The following INPP4B variants were observed in gnomAD, a reference collection of about 807,000 sequenced individuals.
INPP4B encodes inositol polyphosphate-4-phosphatase type II B.
A neutral mutation model predicts 122.5 loss-of-function variants in INPP4B; 55 were observed. That is an observed-to-expected ratio of 0.45 (90% CI 0.36 to 0.56). INPP4B has a LOEUF of 0.56. INPP4B is among the 20% of genes least tolerant of loss of function. The pLI, the probability that INPP4B is intolerant of heterozygous loss-of-function variation, is 0.00. For missense variants in INPP4B, 1,000 were observed against 1,097.7 expected (o/e 0.91, Z 1.26); for synonymous variants, 403 against 388.7 (o/e 1.04, Z -0.43).
rs181722210 is a variant in INPP4B at position 142,569,171 on chromosome 4, T to G, written c.-190-106445A>C. Among the ~76,000 whole-genome samples the G allele has an allele frequency of 1.9e-3, 295 of 152,138 alleles. 1 individual carries two copies. Among genetic ancestry groups the G allele is most frequent in the African/African-American group, 6.8e-3 (284 of 41,504 alleles). ...CCTTACAAAAAAGTAGAAACAAAAG[T>G]TTTGGGGATAATATCAGCATCTAAG... On this transcript the variant is annotated intron_variant, in intron 2 of 25. Coordinates refer to ENST00000262992, the MANE Select transcript of INPP4B (RefSeq NM_001101669.3).
At chr4:142,120,892 A>G (rs189034159) in intron 21 of INPP4B, among the ~76,000 whole-genome samples, 17 of 152,122 alleles carry the variant, frequency 1.1e-4, no homozygotes, top group Admixed American at 9.8e-4. Flanking sequence ...TCCAGTTGTA[A>G]TATTCCTTTT....
intron 2 of INPP4B, among the ~76,000 whole-genome samples, chr4:142,684,794 A>G (rs975267366): frequency 1.7e-4 from 26 of 152,006 alleles, no homozygotes; most frequent in Non-Finnish European, 3.5e-4. Context: ...TCTTGGTCAC[A>G]TTATTCTTAT....
chr4:142,130,157 TCAC>T (rs1305699383), intron 18 of INPP4B, among the ~76,000 whole-genome samples: 1 of 152,082 alleles, frequency 6.6e-6, no homozygotes, highest in Non-Finnish European at 1.5e-5. Flanking sequence ...TTAAAGGAAG[TCAC>T]ATGTGGAAAG....
At chr4:142,751,854 CAA>C (rs1769771180) in intron 1 of INPP4B, among the ~76,000 whole-genome samples, 1 of 152,034 alleles carries the variant, frequency 6.6e-6, no homozygotes, top group Admixed American at 6.6e-5. Context: ...CAACCTCTTA[CAA>C]AACTGTCCCC....
At chr4:142,595,403 G>A (rs752345610) in intron 2 of INPP4B, among the ~76,000 whole-genome samples, 5 of 152,144 alleles carry the variant, frequency 3.3e-5, no homozygotes, top group Non-Finnish European at 5.9e-5. Flanking sequence ...TTTCCCCTCT[G>A]TGAATACACC....
chr4:142,277,793 T>A (rs1749312175), intron 9 of INPP4B, among the ~76,000 whole-genome samples: 1 of 151,616 alleles, frequency 6.6e-6, no homozygotes, highest in Non-Finnish European at 1.5e-5. Flanking sequence ...TTATTCTAAG[T>A]GAAGTAACTC....
intron 21 of INPP4B, among the ~76,000 whole-genome samples, chr4:142,116,470 T>C (rs12640533): frequency 0.13 from 19,109 of 152,030 alleles, 1,376 homozygotes; most frequent in East Asian, 0.24. Context: ...GTCTCTCAGA[T>C]CACAGTGCAA....
intron 7 of INPP4B, among the ~76,000 whole-genome samples, chr4:142,387,652 T>C (rs1408757872): frequency 6.6e-6 from 1 of 152,250 alleles, no homozygotes; most frequent in Non-Finnish European, 1.5e-5. Context: ...ACTTCTAGCC[T>C]CTCTCTGTGC....
In INPP4B at chr4:142,237,974, G is replaced by A; in HGVS notation, c.726C>T (p.Pro242=). The part of the protein sequence containing the change: ...KNPVCKLYRF[P]TSDNKWMRIR... ...TTCGCATCCACTTATTGTCAGATGTGGGAAATCTATATAATTTACATACTG... is the reference window on the plus strand; with the variant it reads ...TTCGCATCCACTTATTGTCAGATGTAGGAAATCTATATAATTTACATACTG... Residue 242 remains proline, a synonymous_variant, in exon 12 of 26, where the codon CCC becomes CCT. Coordinates refer to ENST00000262992, the MANE Select transcript of INPP4B (RefSeq NM_001101669.3). 6.4e-7 allele frequency: 1 copy of A among 1,561,274 alleles called. No individual in the cohort carries two copies. The highest frequency in any genetic ancestry group is 1.1e-5 in the South Asian group (1 of 87,236).
In INPP4B at chr4:142,284,162, G is replaced by A. The variant is rs71608476; in HGVS notation, c.504-13388C>T. On this transcript the variant is annotated intron_variant, in intron 9 of 25. Transcript: ENST00000262992. ...ATAGATTCAAAAGACAATCAGAGGA[G>A]GGAGGCAAAGTAGACATAGTTCTTA... Among the ~76,000 whole-genome samples the A allele has an allele frequency of 4.1e-3, 631 of 152,184 alleles. 2 individuals are homozygous for A. Among genetic ancestry groups the A allele is most frequent in the African/African-American group, 0.014 (585 of 41,544 alleles).
intron 7 of INPP4B, among the ~76,000 whole-genome samples, chr4:142,327,852 G>A (rs1378800449): frequency 6.6e-6 from 1 of 152,136 alleles, no homozygotes; most frequent in Non-Finnish European, 1.5e-5. Context: ...TTCTTCCCAG[G>A]TTATGTGGCT....
At chr4:142,163,946 G>C (rs1345227424) in intron 16 of INPP4B, among the ~76,000 whole-genome samples, 3 of 151,724 alleles carry the variant, frequency 2.0e-5, no homozygotes, top group African/African-American at 7.3e-5. Context: ...TAAGAGTAGG[G>C]CAAACAATTT....
In INPP4B at chr4:142,208,516, T is replaced by C; in HGVS notation, c.981A>G (p.Lys327=). The C allele has an allele frequency of 6.3e-7, 1 of 1,588,886 alleles. No homozygotes were observed. The highest frequency in any genetic ancestry group is 8.6e-7 in the Non-Finnish European group (1 of 1,164,688). The change falls in exon 14 of 26, where the codon AAA becomes AAG. Residue 327 remains lysine (K), a synonymous_variant. Transcript: ENST00000262992. ...TTTTCTCTCCTTTGCTGCTGCTTGA[T>C]TTGAAAGAGGACCCTGATGGAAACC... ...ELSKETGSSF[K]SSSSKGEKTL... is the part of the protein sequence containing the mutation.
intron 1 of INPP4B, among the ~76,000 whole-genome samples, chr4:142,831,582 G>A (rs1288512208): frequency 2.6e-5 from 4 of 152,142 alleles, no homozygotes; most frequent in African/African-American, 9.7e-5. Flanking sequence ...AAAGAACATG[G>A]TACCTACAGA....
At position 142,678,962 on chromosome 4, in the gene INPP4B, A is replaced by G. The variant is rs542622983; in HGVS notation, c.-191+46877T>C. ...ATTCCTTTCAGTAATAAGACTGGGG[A>G]AATTATTCTACTGTTCTAACCAAAA... On this transcript the variant is annotated intron_variant, in intron 2 of 25. Coordinates refer to ENST00000262992, the MANE Select transcript of INPP4B (RefSeq NM_001101669.3). Among the ~76,000 whole-genome samples, 39 of 151,864 alleles carry G rather than the reference A, an allele frequency of 2.6e-4. 1 individual carries two copies. The highest frequency in any genetic ancestry group is 5.0e-4 in the Non-Finnish European group (34 of 67,896).
chr4:142,188,516 A>ATAT lies in INPP4B; in HGVS notation c.1181+4570_1181+4571insATA, dbSNP rs1381172815. On this transcript the variant is annotated intron_variant, in intron 15 of 25. Coordinates refer to ENST00000262992, the MANE Select transcript of INPP4B (RefSeq NM_001101669.3). ...AAAAAAAAAAAAAAAAAAAAGAAAA[A>ATAT]AAATATATATAGCTTGACTTATGAG... 3.7e-3 allele frequency among the ~76,000 whole-genome samples: 434 copies of ATAT among 116,052 alleles called. 1 individual carries two copies. Among genetic ancestry groups the ATAT allele is most frequent in the South Asian group, 0.012 (41 of 3,324 alleles). 76.1% of individuals were successfully genotyped at this position (116,052 alleles called of 152,430 possible). A position where few individuals can be genotyped will look rare whatever the true frequency, so the allele number is the denominator to read the frequency against.
At chr4:142,141,538 T>C (rs545679855) in intron 18 of INPP4B, among the ~76,000 whole-genome samples, 16 of 152,260 alleles carry the variant, frequency 1.1e-4, no homozygotes, top group African/African-American at 3.8e-4. Context: ...AACTTTGGAA[T>C]AGTTATTCTA....
At chr4:142,471,066 T>C (rs72946834) in intron 2 of INPP4B, among the ~76,000 whole-genome samples, 8,107 of 152,250 alleles carry the variant, frequency 0.053, 256 homozygotes, top group East Asian at 0.12. Flanking sequence ...ATGGTTTGTG[T>C]AGCAGGTAAA....
chr4:142,269,603 A>G (rs1242860006), intron 10 of INPP4B, among the ~76,000 whole-genome samples: 1 of 152,178 alleles, frequency 6.6e-6, no homozygotes, highest in Non-Finnish European at 1.5e-5. Flanking sequence ...ATCAAAGGGT[A>G]CAAGTTTCCG....
Sources: gnomAD v4.1 joint callset for allele counts (sites outside exome capture counted in the v4.1 genomes callset) on GRCh38, gnomAD v4.1.1 for gene constraint, MANE v1.5 for transcripts, NCBI Gene and HGNC (gene_info 2026-07-23, HGNC 2026-07-21) for gene names.